Variants in HCN1 observed in about 807,000 individuals in gnomAD.
HCN1 encodes potassium/sodium hyperpolarization-activated cyclic nucleotide-gated channel 1.
Under a neutral mutation model 78.9 loss-of-function variants are expected in HCN1, and 13 were observed. That is an observed-to-expected ratio of 0.16 (90% CI 0.11 to 0.26). The LOEUF (loss-of-function observed/expected upper bound fraction) is 0.26. HCN1 is among the 10% of genes least tolerant of loss of function. HCN1 has a pLI of 1.00. For missense variants in HCN1, 810 were observed against 1,154.3 expected, an observed-to-expected ratio of 0.70 and a Z score of 4.32; for synonymous variants, 552 against 455.5, an observed-to-expected ratio of 1.21 and a Z score of -2.70.
intron 6 of HCN1, among the ~76,000 whole-genome samples, chr5:45,282,334 G>C (rs142034984): frequency 1.2e-4 from 19 of 152,270 alleles, no homozygotes; most frequent in African/African-American, 3.9e-4. Context: ...GTTATCTTGA[G>C]TAGAATGTTG....
At chr5:45,653,862 A>G (rs1745720905) in intron 1 of HCN1, among the ~76,000 whole-genome samples, 1 of 152,076 alleles carries the variant, frequency 6.6e-6, no homozygotes, top group Admixed American at 6.6e-5. Context: ...TGTCACATGT[A>G]TACATATGTA....
chr5:45,296,075 C>T (rs1318142216), intron 6 of HCN1, among the ~76,000 whole-genome samples: 4 of 151,918 alleles, frequency 2.6e-5, no homozygotes, highest in Admixed American at 6.6e-5. Context: ...AGTAGCCACC[C>T]CATGTCATCA....
chr5:45,666,463 G>A (rs190279067), intron 1 of HCN1, among the ~76,000 whole-genome samples: 2 of 152,008 alleles, frequency 1.3e-5, no homozygotes, highest in East Asian at 3.9e-4. Context: ...ATAAAGAAAG[G>A]CCACAACCAC....
At chr5:45,523,785 G>A (rs1194344265) in intron 2 of HCN1, among the ~76,000 whole-genome samples, 20 of 152,122 alleles carry the variant, frequency 1.3e-4, no homozygotes, top group African/African-American at 3.1e-4. Context: ...AATAGGTTGC[G>A]AAAATTTTCT....
intron 2 of HCN1, among the ~76,000 whole-genome samples, chr5:45,585,606 T>C (rs548814556): frequency 1.3e-5 from 2 of 151,976 alleles, no homozygotes; most frequent in South Asian, 4.1e-4. Context: ...GCACTCTGAT[T>C]TTTAGAGTTT....
At chr5:45,434,845 G>C (rs1027290076) in intron 3 of HCN1, among the ~76,000 whole-genome samples, 3 of 151,986 alleles carry the variant, frequency 2.0e-5, no homozygotes, top group Non-Finnish European at 4.4e-5. Flanking sequence ...TAATCAAAGT[G>C]AAGTTCTATT....
chr5:45,553,363 G>A (rs1261275669), intron 2 of HCN1, among the ~76,000 whole-genome samples: 1 of 151,788 alleles, frequency 6.6e-6, no homozygotes, highest in Non-Finnish European at 1.5e-5. Context: ...TCTCACTGAG[G>A]CTGTGAGTAA....
intron 2 of HCN1, among the ~76,000 whole-genome samples, chr5:45,478,578 A>G (rs984704006): frequency 4.6e-5 from 7 of 152,202 alleles, no homozygotes; most frequent in African/African-American, 1.7e-4. Context: ...TAATTCTGAA[A>G]GAAAAGAATC....
At chr5:45,568,518 T>C (rs903364480) in intron 2 of HCN1, among the ~76,000 whole-genome samples, 1 of 152,150 alleles carries the variant, frequency 6.6e-6, no homozygotes, top group Non-Finnish European at 1.5e-5. Flanking sequence ...AACTCAGTTA[T>C]TGTGAAAATT....
chr5:45,658,784 A>G (rs1452293610), intron 1 of HCN1, among the ~76,000 whole-genome samples: 2 of 152,174 alleles, frequency 1.3e-5, no homozygotes, highest in South Asian at 2.1e-4. Context: ...TATATCCCAC[A>G]CTTGGCTGAG....
chr5:45,469,680 A>C (rs1002834453), intron 2 of HCN1, among the ~76,000 whole-genome samples: 1 of 151,978 alleles, frequency 6.6e-6, no homozygotes, highest in Non-Finnish European at 1.5e-5. Flanking sequence ...TTATCCTGAG[A>C]ATTCAAAATA....
intron 6 of HCN1, among the ~76,000 whole-genome samples, chr5:45,285,701 A>G (rs113023848): frequency 0.01 from 1,531 of 152,126 alleles, 22 homozygotes; most frequent in African/African-American, 0.034. Flanking sequence ...GTGAAAAAAG[A>G]TCTTGATTTA....
At chr5:45,285,689 C>T (rs2111875975) in intron 6 of HCN1, among the ~76,000 whole-genome samples, 1 of 152,076 alleles carries the variant, frequency 6.6e-6, no homozygotes, top group African/African-American at 2.4e-5. Context: ...TTCACGATTT[C>T]AGTGAAAAAA....
chr5:45,523,989 T>A (rs1412602614), intron 2 of HCN1, among the ~76,000 whole-genome samples: 1 of 152,174 alleles, frequency 6.6e-6, no homozygotes, highest in Non-Finnish European at 1.5e-5. Context: ...TTTTTATGGT[T>A]TTAGGTCTAA....
At chr5:45,402,546 G>C (rs1482187878) in intron 3 of HCN1, among the ~76,000 whole-genome samples, 3 of 152,130 alleles carry the variant, frequency 2.0e-5, no homozygotes, top group Non-Finnish European at 4.4e-5. Flanking sequence ...TCCTGAGGTA[G>C]AGGAAGGATG....
chr5:45,515,988 T>G (rs576886997), intron 2 of HCN1, among the ~76,000 whole-genome samples: 1 of 152,038 alleles, frequency 6.6e-6, no homozygotes, highest in Non-Finnish European at 1.5e-5. Flanking sequence ...TATACATGCA[T>G]GTCAACTTTT....
intron 4 of HCN1, among the ~76,000 whole-genome samples, chr5:45,396,049 G>T (rs1407443659): frequency 6.6e-6 from 1 of 152,092 alleles, no homozygotes; most frequent in Non-Finnish European, 1.5e-5. Flanking sequence ...TAAGCATATG[G>T]ATTGTAATAT....
intron 4 of HCN1, among the ~76,000 whole-genome samples, chr5:45,388,559 T>G (rs1747974603): frequency 6.6e-6 from 1 of 152,050 alleles, no homozygotes; most frequent in Non-Finnish European, 1.5e-5. Flanking sequence ...CCACTGCAAA[T>G]TTAATGAAGC....
chr5:45,606,051 T>C (rs1234810822), intron 2 of HCN1, among the ~76,000 whole-genome samples: 1 of 151,892 alleles, frequency 6.6e-6, no homozygotes, highest in Non-Finnish European at 1.5e-5. Context: ...TGTCAAATAT[T>C]CCCCAGGCAG....
Sources: gnomAD v4.1 joint callset for allele counts (sites outside exome capture counted in the v4.1 genomes callset) on GRCh38, gnomAD v4.1.1 for gene constraint, MANE v1.5 for transcripts, NCBI Gene and HGNC (gene_info 2026-07-23, HGNC 2026-07-21) for gene names.